Variants in UBE3A observed in about 807,000 individuals in gnomAD.
UBE3A encodes the protein ubiquitin-protein ligase E3A.
In UBE3A, 6 loss-of-function variants were observed where a neutral mutation model predicts 83.4. That is an observed-to-expected ratio of 0.07 (90% CI 0.04 to 0.14). The LOEUF (loss-of-function observed/expected upper bound fraction) is 0.14. UBE3A is among the 10% of genes least tolerant of loss of function. The pLI is 1.00. For synonymous variants in UBE3A, 337 were observed against 355.4 expected (o/e 0.95, Z 0.58); for missense variants, 456 against 1,036.1 (o/e 0.44, Z 7.69).
In UBE3A at chr15:25,334,290, A is replaced by C. The variant is rs1384595143; in HGVS notation, c.*4847T>G. 6.6e-6 allele frequency: 1 copy of C among 152,202 alleles called. No homozygotes were observed. Among genetic ancestry groups the C allele is most frequent in the African/African-American group, 2.4e-5 (1 of 41,458 alleles). The allele number at this position is 152,202 out of a possible 1,614,324, so 9.4% of individuals were successfully genotyped here. A position where few individuals can be genotyped will look rare whatever the true frequency, so the allele number is the denominator to read the frequency against. ...TCTAACACCAGTGATGAATACAAAAATAAAAATTAGAAAATAATCATATAA... is the reference window on the plus strand; with the variant it reads ...TCTAACACCAGTGATGAATACAAAACTAAAAATTAGAAAATAATCATATAA... On this transcript the variant is annotated 3_prime_UTR_variant, in exon 13 of 13. Transcript: ENST00000648336.
intron 2 of UBE3A, among the ~76,000 whole-genome samples, chr15:25,410,093 T>C (rs143776481): frequency 0.014 from 2,128 of 152,208 alleles, 47 homozygotes; most frequent in African/African-American, 0.049. Flanking sequence ...TGTATACATA[T>C]GTAACTAACC....
chr15:25,353,551 C>CT (rs1372118504), intron 11 of UBE3A, among the ~76,000 whole-genome samples: 3 of 152,170 alleles, frequency 2.0e-5, no homozygotes, highest in African/African-American at 4.8e-5. Context: ...CCATGAAGTT[C>CT]ACAGCTGTGT....
chr15:25,422,805 T>C (rs1454761986), intron 1 of UBE3A, among the ~76,000 whole-genome samples: 1 of 116,676 alleles, frequency 8.6e-6, no homozygotes, highest in East Asian at 2.2e-4. Context: ...TGAGATACGT[T>C]CTCTACCAAA....
chr15:25,398,485 C>T (rs2086128548), intron 4 of UBE3A, among the ~76,000 whole-genome samples: 1 of 151,916 alleles, frequency 6.6e-6, no homozygotes, highest in South Asian at 2.1e-4. Flanking sequence ...CCCCTGGTAA[C>T]CACCATTTTA....
chr15:25,384,364 G>A (rs574626531), intron 4 of UBE3A, among the ~76,000 whole-genome samples: 1 of 151,702 alleles, frequency 6.6e-6, no homozygotes, highest in Admixed American at 6.6e-5. Flanking sequence ...GGGAGGCTGA[G>A]GCAGGAGTTG....
chr15:25,351,997 C>T (rs2076579670), intron 11 of UBE3A, among the ~76,000 whole-genome samples: 1 of 152,020 alleles, frequency 6.6e-6, no homozygotes, highest in Admixed American at 6.6e-5. Context: ...AGTTTGAGAC[C>T]AGCCTGGCCA....
chr15:25,407,039 G>T, intron 3 of UBE3A: 1 of 1,331,116 alleles, frequency 7.5e-7, no homozygotes, highest in South Asian at 1.2e-5. Context: ...CTCCCCCAGG[G>T]AGCAAGCAAA....
chr15:25,415,126 T>C (rs1180605287), intron 1 of UBE3A, among the ~76,000 whole-genome samples: 1 of 152,144 alleles, frequency 6.6e-6, no homozygotes, highest in African/African-American at 2.4e-5. Flanking sequence ...TCCTTAAAAA[T>C]ATCTCTTACT....
chr15:25,427,105 C>A (rs1382991363), intron 1 of UBE3A, among the ~76,000 whole-genome samples: 1 of 152,030 alleles, frequency 6.6e-6, no homozygotes, highest in African/African-American at 2.4e-5. Flanking sequence ...GAAAAAAGAA[C>A]TGATCCTTAT....
At chr15:25,386,049 G>A (rs1165850579) in intron 4 of UBE3A, among the ~76,000 whole-genome samples, 1 of 152,102 alleles carries the variant, frequency 6.6e-6, no homozygotes, top group Non-Finnish European at 1.5e-5. Flanking sequence ...CTAACCTGCT[G>A]GGGTTGTAGC....
At chr15:25,389,082 G>A (rs189951732) in intron 4 of UBE3A, among the ~76,000 whole-genome samples, 3 of 152,270 alleles carry the variant, frequency 2.0e-5, no homozygotes, top group Admixed American at 1.3e-4. Context: ...CAGTAGTCAA[G>A]ATGGTGTGGT....
chr15:25,368,935 A>G (rs2079803251), intron 6 of UBE3A, among the ~76,000 whole-genome samples: 1 of 152,126 alleles, frequency 6.6e-6, no homozygotes, highest in Non-Finnish European at 1.5e-5. Flanking sequence ...GTGTAATTTC[A>G]TTGCCTTTTA....
At chr15:25,435,671 T>A (rs1894845384) in intron 1 of UBE3A, among the ~76,000 whole-genome samples, 1 of 152,194 alleles carries the variant, frequency 6.6e-6, no homozygotes, top group African/African-American at 2.4e-5. Flanking sequence ...GGTACCTTGA[T>A]CTTGGACTTC....
rs1443079406 is a variant in UBE3A, at chr15:25,336,993, G to C, written c.*2144C>G. 1 of 152,142 alleles carries C rather than the reference G, an allele frequency of 6.6e-6. No homozygotes were observed. The highest frequency in any genetic ancestry group is 1.5e-5 in the Non-Finnish European group (1 of 68,018). 9.4% of individuals were successfully genotyped at this position (152,142 alleles called of 1,614,324 possible). On this transcript the variant is annotated 3_prime_UTR_variant, in exon 13 of 13. Coordinates refer to ENST00000648336, the MANE Select transcript of UBE3A (RefSeq NM_130839.5). ...AGTAATGAAAAGGCAGCAAAAGTAA[G>C]AGGAGTGACAACATGCCCGGCATAA... is the stretch of plus-strand genomic sequence containing the variant.
chr15:25,358,328 G>C (rs979960582), intron 7 of UBE3A, among the ~76,000 whole-genome samples: 3 of 151,754 alleles, frequency 2.0e-5, no homozygotes, highest in African/African-American at 4.8e-5. Context: ...GCAGTGAGCC[G>C]AGACAGAACC....
intron 11 of UBE3A, among the ~76,000 whole-genome samples, chr15:25,350,665 C>T (rs4445877): frequency 0.46 from 69,702 of 151,962 alleles, 20,003 homozygotes; most frequent in African/African-American, 0.83. Flanking sequence ...TCACAATAGT[C>T]CCAAACTGGA....
chr15:25,436,014 C>A (rs187067363), intron 1 of UBE3A, among the ~76,000 whole-genome samples: 271 of 152,214 alleles, frequency 1.8e-3, no homozygotes, highest in African/African-American at 6.1e-3. Context: ...TTTCACCAAC[C>A]CATTTTACAG....
At chr15:25,367,213 GTAAA>G (rs1202103437) in intron 6 of UBE3A, among the ~76,000 whole-genome samples, 1 of 86,248 alleles carries the variant, frequency 1.2e-5, no homozygotes, top group Admixed American at 9.9e-5. Context: ...TTGTAAATAT[GTAAA>G]TATTTACATA....
intron 1 of UBE3A, among the ~76,000 whole-genome samples, chr15:25,431,720 A>G (rs537861316): frequency 2.0e-5 from 3 of 152,318 alleles, no homozygotes; most frequent in Admixed American, 6.5e-5. Context: ...ATGTTACCCA[A>G]TTAATCTTTG....
Sources: allele counts gnomAD v4.1 joint callset (sites outside exome capture counted in the v4.1 genomes callset), GRCh38; gene constraint gnomAD v4.1.1; transcripts MANE v1.5; gene names NCBI Gene and HGNC (gene_info 2026-07-23, HGNC 2026-07-21).